Variants in FES observed in about 807,000 individuals in gnomAD.
The protein encoded by FES is FES proto-oncogene, tyrosine kinase.
In FES, 83 loss-of-function variants were observed where a neutral mutation model predicts 109.6. The observed-to-expected ratio is 0.76, with a 90% CI of 0.63 to 0.91. FES has a LOEUF of 0.91. FES is among the 40% of genes least tolerant of loss of function. The probability of loss-of-function intolerance (pLI) is 0.00; values close to 1 mark genes in which losing one functional copy is unlikely to be tolerated. For missense variants in FES, 943 were observed against 1,070.9 expected, an observed-to-expected ratio of 0.88 and a Z score of 1.67; for synonymous variants, 458 against 442.1, an observed-to-expected ratio of 1.04 and a Z score of -0.45.
Position 90,893,684 on chromosome 15 carries a change from A to G in FES, c.2076A>G (p.Thr692=). 6.2e-7 allele frequency: 1 copy of G among 1,607,454 alleles called. No homozygotes were observed. Among genetic ancestry groups the G allele is most frequent in the Non-Finnish European group, 8.5e-7 (1 of 1,176,670 alleles). The stretch of plus-strand genomic sequence containing the variant: ...TGGCTGCTCGGAACTGCCTGGTGAC[A>G]GAGAAGAATGTCCTGAAGATCAGTG... ...RDLAARNCLV[T]EKNVLKISDF... Residue 692 remains threonine (T), a synonymous_variant, in exon 17 of 19, where the codon ACA becomes ACG. Transcript: ENST00000328850.
intron 5 of FES, 96 bp downstream of exon 5, chr15:90,887,466 G>A: frequency 7.5e-7 from 1 of 1,333,558 alleles, no homozygotes; most frequent in African/African-American, 1.5e-5. Context: ...CCATTGCTGG[G>A]AAGGTGCTGG....
intron 12 of FES, 68 bp downstream of exon 12, chr15:90,891,744 C>T: frequency 1.3e-6 from 2 of 1,596,726 alleles, no homozygotes; most frequent in Non-Finnish European, 1.7e-6. Context: ...TCAGGCCCAC[C>T]CAGCGTCTGA....
intron 5 of FES, 50 bp downstream of exon 5, chr15:90,887,420 C>T (rs759799074): frequency 2.6e-6 from 4 of 1,529,120 alleles, no homozygotes; most frequent in Non-Finnish European, 3.5e-6. Context: ...CAGCCCTAAG[C>T]CCAGCCATCA....
At position 90,892,233 on chromosome 15, in the gene FES, C is replaced by G. The variant is rs1017406127; in HGVS notation, c.1707+122C>G. On this transcript the variant is annotated intron_variant, in intron 13 of 18. Transcript: ENST00000328850. Reference sequence around the variant, plus strand: ...CTGATTCCCCACTTGTACCCCGACTCCCTGCCCAGCCCCCACCACACACCA... The same window carrying G: ...CTGATTCCCCACTTGTACCCCGACTGCCTGCCCAGCCCCCACCACACACCA... 2.9e-6 allele frequency: 3 copies of G among 1,028,364 alleles called. No homozygotes were observed. The East Asian group carries it at 7.3e-5, about 25-fold the overall frequency. The allele number at this position is 1,028,364 out of a possible 1,614,324, so 63.7% of individuals were successfully genotyped here.
chr15:90,893,546 G>C (rs1327134513), intron 16 of FES, 108 bp from the exon 17 acceptor site: 1 of 1,492,044 alleles, frequency 6.7e-7, no homozygotes, highest in African/African-American at 1.4e-5. Context: ...TGGTAGACAG[G>C]GGTGCCCAGG....
rs913274333 is a variant in FES, at chr15:90,885,084, C to T, written c.39C>T (p.His13=). The change falls in exon 2 of 19, where the codon CAC becomes CAT. Residue 13 remains histidine (H), a synonymous_variant. Transcript: ENST00000328850. ...CCGAGCTGTGCAGCCCCCAGGGCCA[C>T]GGGGTCCTGCAGCAAATGCAGGAGG... The part of the protein sequence containing the change: ...FSSELCSPQG[H]GVLQQMQEAE... 2.5e-6 allele frequency: 4 copies of T among 1,613,186 alleles called. No individual in the cohort carries two copies. The highest frequency in any genetic ancestry group is 1.3e-5 in the African/African-American group (1 of 74,952).
chr15:90,891,363 G>A (rs2033197307), intron 11 of FES, 172 bp downstream of exon 11: 1 of 1,056,406 alleles, frequency 9.5e-7, no homozygotes, highest in East Asian at 2.5e-5. Context: ...ACAAAATAGA[G>A]GCTTAAGTGT....
chr15:90,889,519 C>T lies in FES; in HGVS notation c.809C>T (p.Ser270Phe). ...TGACGGGGCGCTGTCCCCCACAGGTCCGCACCTGACGTCCCACCCTGTGTC... is the reference window on the plus strand; with the variant it reads ...TGACGGGGCGCTGTCCCCCACAGGTTCGCACCTGACGTCCCACCCTGTGTC... ...EYQGFLRQYGSAPDVPPCVTF... is the reference protein window; with the variant it reads ...EYQGFLRQYGFAPDVPPCVTF... Residue 270 changes from serine to phenylalanine, a missense_variant and splice_region_variant, in exon 7 of 19, where the codon TCC becomes TTC. Transcript: ENST00000328850. The surrounding 1 kb of genome is among the most constrained non-coding windows in gnomAD (Gnocchi z 6.1). The T allele has an allele frequency of 1.9e-6, 3 of 1,613,892 alleles. No individual in the cohort carries two copies. The highest frequency in any genetic ancestry group is 2.5e-6 in the Non-Finnish European group (3 of 1,180,028).
In FES at chr15:90,887,346, T is replaced by C; in HGVS notation, c.644T>C (p.Leu215Pro). ...GGCCTGCTGCGGTCACTGCAGGACC[T>C]GCACGAGGAGATGGCTTGCATCCTG... ...LPGLLRSLQD[L>P]HEEMACILKE... The change falls in exon 5 of 19, where the codon CTG becomes CCG. Residue 215 changes from leucine to proline, a missense_variant. Leu to Pro is a moderately conservative substitution (Grantham distance 98). Transcript: ENST00000328850. 6.2e-7 allele frequency: 1 copy of C among 1,611,724 alleles called. No homozygotes were observed. The highest frequency in any genetic ancestry group is 8.5e-7 in the Non-Finnish European group (1 of 1,179,132).
chr15:90,891,256 G>A, intron 11 of FES, 65 bp downstream of exon 11: 2 of 1,523,482 alleles, frequency 1.3e-6, no homozygotes, highest in Admixed American at 3.9e-5. Flanking sequence ...TTCCCCAAGG[G>A]AAATGGCCTT....
intron 11 of FES, 52 bp downstream of exon 11, chr15:90,891,243 C>T (rs1224781123): frequency 4.6e-6 from 7 of 1,534,006 alleles, no homozygotes; most frequent in Non-Finnish European, 6.1e-6. Context: ...CCCCTCCCTT[C>T]CCTTCCCCAA....
intron 3 of FES, among the ~76,000 whole-genome samples, chr15:90,886,165 A>G (rs983154871): frequency 6.6e-6 from 1 of 152,234 alleles, no homozygotes; most frequent in Admixed American, 6.5e-5. Flanking sequence ...TGCAGAGCCC[A>G]GCCTTGCCAT....
rs779765463 is a variant in FES, at chr15:90,885,395, C to G, written c.214-17C>G. 1 of 1,603,080 alleles carries G rather than the reference C, an allele frequency of 6.2e-7. No individual in the cohort carries two copies. Among genetic ancestry groups the G allele is most frequent in the Non-Finnish European group, 8.5e-7 (1 of 1,174,002 alleles). ...CATTGTGCCCCCCTCCCTGCCTCCC[C>G]CATCTGTGCTGTATAGTCCTGGGCT... On this transcript the variant is annotated splice_polypyrimidine_tract_variant and intron_variant, in intron 2 of 18. Transcript: ENST00000328850.
chr15:90,890,783 G>T (rs2033139603), intron 10 of FES, among the ~76,000 whole-genome samples, 199 bp from the exon 11 acceptor site: 1 of 152,134 alleles, frequency 6.6e-6, no homozygotes, highest in Non-Finnish European at 1.5e-5. Flanking sequence ...TTCCTGCCTG[G>T]GCTTCCCTTC....
intron 18 of FES, among the ~76,000 whole-genome samples, chr15:90,895,193 T>C (rs1301281066): frequency 6.6e-6 from 1 of 152,224 alleles, no homozygotes; most frequent in Non-Finnish European, 1.5e-5. Flanking sequence ...TATGTCCCTT[T>C]CTCAGATGGA....
intron 10 of FES, 47 bp from the exon 11 acceptor site, chr15:90,890,935 T>A: frequency 1.3e-6 from 2 of 1,532,202 alleles, no homozygotes; most frequent in South Asian, 2.4e-5. Flanking sequence ...CCACGGCCTC[T>A]TCAACAAGGT....
chr15:90,895,637 C>G lies in FES; in HGVS notation c.*79C>G, dbSNP rs1277516485. The G allele has an allele frequency of 1.5e-6, 2 of 1,301,140 alleles. No individual in the cohort carries two copies. Among genetic ancestry groups the G allele is most frequent in the Non-Finnish European group, 2.1e-6 (2 of 972,014 alleles). 80.6% of individuals were successfully genotyped at this position (1,301,140 alleles called of 1,614,324 possible). A position where few individuals can be genotyped will look rare whatever the true frequency, so the allele number is the denominator to read the frequency against. The stretch of plus-strand genomic sequence containing the variant: ...TCAGCGGCTCCAGCTCATATGCTGA[C>G]AGCTCTTCACAGTCCTGGACTCCTG... On this transcript the variant is annotated 3_prime_UTR_variant, in exon 19 of 19. Transcript: ENST00000328850.
rs748935427 is a variant in FES at position 90,893,414 on chromosome 15, G to A, written c.2045G>A (p.Arg682Gln). ...EYLESKCCIH[R>Q]DLAARNCLVT... ...CTGGAGAGCAAGTGCTGCATCCACCGGTGAGTGGGCGGTGGCCACGGGCCC... is the reference window on the plus strand; with the variant it reads ...CTGGAGAGCAAGTGCTGCATCCACCAGTGAGTGGGCGGTGGCCACGGGCCC... Residue 682 changes from arginine to glutamine, a missense_variant and splice_region_variant, in exon 16 of 19, where the codon CGG (arginine) becomes CAG (glutamine). Physicochemically the swap from Arg to Gln is conservative, Grantham distance 43 (BLOSUM62 1). Coordinates refer to ENST00000328850, the MANE Select transcript of FES (RefSeq NM_002005.4). 1.3e-5 allele frequency: 20 copies of A among 1,538,460 alleles called. No homozygotes were observed. Among genetic ancestry groups the A allele is most frequent in the South Asian group, 1.3e-4 (10 of 79,902 alleles).
chr15:90,892,900 TTGACCACCGTGGTGG>T, intron 14 of FES, 75 bp downstream of exon 14: 1 of 1,488,426 alleles, frequency 6.7e-7, no homozygotes, highest in South Asian at 1.1e-5. Flanking sequence ...TGTGAAGTGC[TTGACCACCGTGGTGG>T]TGTTTAGTCC....
Sources: gnomAD v4.1 joint callset for allele counts (sites outside exome capture counted in the v4.1 genomes callset) on GRCh38, gnomAD v4.1.1 for gene constraint, Gnocchi (gnomAD v3.1) non-coding constraint, MANE v1.5 for transcripts, NCBI Gene and HGNC (gene_info 2026-07-23, HGNC 2026-07-21) for gene names.